TG: variants seen among roughly 807,000 people sequenced by gnomAD.
TG encodes the protein thyroglobulin.
A neutral mutation model predicts 324.7 loss-of-function variants in TG; 270 were observed. That is an observed-to-expected ratio of 0.83 (90% CI 0.75 to 0.92). The LOEUF (loss-of-function observed/expected upper bound fraction) is 0.92, where lower values mean the gene tolerates loss of function less well. Among genes scored for constraint, TG ranks in the 40% least tolerant of loss-of-function variants. The pLI, the probability that TG is intolerant of heterozygous loss-of-function variation, is 0.00. For missense variants in TG, 3,591 were observed against 3,456.4 expected (o/e 1.04, Z -0.98); for synonymous variants, 1,401 against 1,327.0 (o/e 1.06, Z -1.21).
intron 45 of TG, among the ~76,000 whole-genome samples, chr8:133,127,496 T>C (rs1194187391): frequency 6.6e-6 from 1 of 152,156 alleles, no homozygotes; most frequent in African/African-American, 2.4e-5. Context: ...GATTTCTCAG[T>C]TCTAGTCTTT....
At chr8:133,092,281 G>A (rs1440274726) in intron 41 of TG, among the ~76,000 whole-genome samples, 1 of 152,236 alleles carries the variant, frequency 6.6e-6, no homozygotes, top group Non-Finnish European at 1.5e-5. Context: ...CTGAGGTCAA[G>A]GCACCTTACC....
At chr8:133,090,172 G>A (rs1230390436) in intron 41 of TG, 1 of 152,222 alleles carries the variant, frequency 6.6e-6, no homozygotes, top group Non-Finnish European at 1.5e-5. Flanking sequence ...GGTAATATTT[G>A]GCAATTGATT....
At chr8:132,948,989 C>T (rs1825732637) in intron 27 of TG, 46 bp downstream of exon 27, 10 of 1,578,686 alleles carry the variant, frequency 6.3e-6, no homozygotes, top group Non-Finnish European at 8.7e-6. Context: ...TTACTCTTCA[C>T]ACGAGCAAGG....
intron 45 of TG, among the ~76,000 whole-genome samples, chr8:133,130,570 A>G (rs895006066): frequency 3.3e-5 from 5 of 152,154 alleles, no homozygotes; most frequent in African/African-American, 7.2e-5. Context: ...AGCCAGCAGG[A>G]AAACGGGGGC....
intron 22 of TG, among the ~76,000 whole-genome samples, chr8:132,925,516 C>CGTGCGTGTGTGTGTGT (rs1554670096): frequency 6.9e-6 from 1 of 144,732 alleles, no homozygotes; most frequent in African/African-American, 2.6e-5. Flanking sequence ...CTAAGGAGTG[C>CGTGCGTGTGTGTGTGT]GTGTGTGTGT....
At chr8:133,035,679 C>G (rs760588902) in intron 41 of TG, among the ~76,000 whole-genome samples, 1 of 152,202 alleles carries the variant, frequency 6.6e-6, no homozygotes, top group Non-Finnish European at 1.5e-5. Flanking sequence ...TTGCACATCT[C>G]TCTTTGCCAT....
Position 132,906,671 on chromosome 8 carries a change from C to T in TG, c.3635-17C>T, listed in dbSNP as rs1215980249. ...GCTGGGCAGGTGCCCACCACGGCTCCACTTTCCTTCTCCCAGGCCCGCGGT... is the reference window on the plus strand; with the variant it reads ...GCTGGGCAGGTGCCCACCACGGCTCTACTTTCCTTCTCCCAGGCCCGCGGT... On this transcript the variant is annotated splice_polypyrimidine_tract_variant and intron_variant, in intron 16 of 47. Coordinates refer to ENST00000220616, the MANE Select transcript of TG (RefSeq NM_003235.5). 5.6e-6 allele frequency: 9 copies of T among 1,613,468 alleles called. No homozygotes were observed. Among genetic ancestry groups the T allele is most frequent in the Non-Finnish European group, 7.6e-6 (9 of 1,180,002 alleles).
chr8:133,096,212 GC>G lies in TG; in HGVS notation c.7413del (p.Val2472Ter). 1 of 1,614,222 alleles carries G rather than the reference GC, an allele frequency of 6.2e-7. No individual in the cohort carries two copies. Among genetic ancestry groups the G allele is most frequent in the Non-Finnish European group, 8.5e-7 (1 of 1,180,052 alleles). Reference sequence around the variant, plus strand: ...ATTGTTGCATCCAATGCAGCTCCTGGCCGTGAGTGGCCCTTTCCACTACTGG... The same window carrying G: ...ATTGTTGCATCCAATGCAGCTCCTGGCGTGAGTGGCCCTTTCCACTACTGG... ...VLNDAQTKLL[A>X]VSGPFHYWGP... is the part of the protein sequence containing the mutation. On this transcript the variant is annotated frameshift_variant, in exon 43 of 48. Coordinates refer to ENST00000220616, the MANE Select transcript of TG (RefSeq NM_003235.5). LOFTEE classifies it high-confidence loss of function.
At chr8:132,987,883 C>T (rs1348060537) in intron 35 of TG, among the ~76,000 whole-genome samples, 1 of 152,088 alleles carries the variant, frequency 6.6e-6, no homozygotes, top group African/African-American at 2.4e-5. Flanking sequence ...TGTTAGAAAC[C>T]TTCTCTAGAG....
chr8:132,972,420 C>A, intron 33 of TG, 178 bp from the exon 34 acceptor site: 2 of 681,930 alleles, frequency 2.9e-6, no homozygotes, highest in Non-Finnish European at 4.9e-6. Context: ...AGATCAGAGG[C>A]TCCTTGAGTT....
chr8:133,110,045 T>A (rs1441117801), intron 43 of TG, among the ~76,000 whole-genome samples: 1 of 152,144 alleles, frequency 6.6e-6, no homozygotes, highest in Non-Finnish European at 1.5e-5. Context: ...GAGATCCTGG[T>A]GCCCAGACCT....
At chr8:133,114,219 C>A (rs1431959375) in intron 44 of TG, among the ~76,000 whole-genome samples, 2 of 152,196 alleles carry the variant, frequency 1.3e-5, no homozygotes, top group East Asian at 3.9e-4. Context: ...CAGCCCTGCG[C>A]CCTCTCTCTG....
At chr8:133,064,723 A>T (rs933048089) in intron 41 of TG, among the ~76,000 whole-genome samples, 1 of 152,232 alleles carries the variant, frequency 6.6e-6, no homozygotes, top group Non-Finnish European at 1.5e-5. Context: ...TCTGTTTCGC[A>T]GATCTGGGTC....
intron 16 of TG, among the ~76,000 whole-genome samples, chr8:132,902,079 A>G (rs922451548): frequency 1.3e-5 from 2 of 152,134 alleles, no homozygotes; most frequent in Non-Finnish European, 2.9e-5. Flanking sequence ...TATTTCTCCA[A>G]TCTCTCAAGT....
intron 41 of TG, among the ~76,000 whole-genome samples, chr8:133,046,194 C>T (rs990048937): frequency 7.2e-5 from 11 of 152,134 alleles, no homozygotes; most frequent in African/African-American, 2.2e-4. Context: ...TAGAAAACAC[C>T]CAAGAGACAG....
In TG at chr8:133,039,884, C is replaced by G. The variant is rs1481939477; in HGVS notation, c.7239+9861C>G. ...CCAGTTTCAGCAGGGCTGGCTGACTCTGGCCATGGTTTTCATGTGCTCGGC... is the reference window on the plus strand; with the variant it reads ...CCAGTTTCAGCAGGGCTGGCTGACTGTGGCCATGGTTTTCATGTGCTCGGC... On this transcript the variant is annotated intron_variant, in intron 41 of 47. Transcript: ENST00000220616. 6.8e-6 allele frequency: 10 copies of G among 1,472,458 alleles called. No homozygotes were observed. In the South Asian group the frequency reaches 8.1e-5, roughly 12 times the overall value. 91.2% of individuals were successfully genotyped at this position (1,472,458 alleles called of 1,614,324 possible).
At chr8:133,110,714 A>G (rs1850187737) in intron 43 of TG, among the ~76,000 whole-genome samples, 1 of 152,224 alleles carries the variant, frequency 6.6e-6, no homozygotes, top group Non-Finnish European at 1.5e-5. Context: ...AATAGATTTT[A>G]CTTAACTCCA....
chr8:132,885,396 G>A (rs576545967), intron 8 of TG, among the ~76,000 whole-genome samples: 1 of 151,858 alleles, frequency 6.6e-6, no homozygotes, highest in Non-Finnish European at 1.5e-5. Flanking sequence ...GTGTACACTG[G>A]GTAGGCATTA....
At chr8:132,922,634 A>G (rs1821270325) in intron 21 of TG, among the ~76,000 whole-genome samples, 3 of 152,234 alleles carry the variant, frequency 2.0e-5, no homozygotes, top group South Asian at 2.1e-4. Context: ...TGGGTGGCTT[A>G]TAAACAGCAG....
Sources: gnomAD v4.1 joint callset for allele counts (sites outside exome capture counted in the v4.1 genomes callset) on GRCh38, gnomAD v4.1.1 for gene constraint, MANE v1.5 for transcripts, NCBI Gene and HGNC (gene_info 2026-07-23, HGNC 2026-07-21) for gene names.